Variants in NUGGC observed in about 807,000 individuals in gnomAD.
NUGGC encodes the protein nuclear GTPase SLIP-GC.
In NUGGC, 58 loss-of-function variants were observed where a neutral mutation model predicts 92.6. The ratio of observed to expected loss-of-function variants is 0.63; its 90% CI spans 0.51 to 0.78. The LOEUF is 0.78. Ranked by LOEUF, NUGGC falls within the 30% of genes least tolerant of loss-of-function variation. NUGGC has a pLI of 0.00. For synonymous variants in NUGGC, 376 were observed against 366.4 expected, an observed-to-expected ratio of 1.03 and a Z score of -0.30; for missense variants, 925 against 964.6, an observed-to-expected ratio of 0.96 and a Z score of 0.54.
intron 4 of NUGGC, among the ~76,000 whole-genome samples, chr8:28,068,674 T>C (rs549232713): frequency 6.6e-6 from 1 of 152,320 alleles, no homozygotes; most frequent in South Asian, 2.1e-4. Flanking sequence ...ACAATCCCTG[T>C]AATGTCTATA....
intron 4 of NUGGC, 136 bp from the exon 5 acceptor site, chr8:28,068,574 A>T (rs1810507406): frequency 1.6e-6 from 1 of 629,842 alleles, no homozygotes; most frequent in African/African-American, 1.8e-5. Context: ...CTCCTCTGTC[A>T]AAGGAGAATA....
intron 7 of NUGGC, among the ~76,000 whole-genome samples, chr8:28,060,894 G>C (rs1810287352): frequency 6.6e-6 from 1 of 152,176 alleles, no homozygotes; most frequent in African/African-American, 2.4e-5. Context: ...CTTACCTCAA[G>C]CAGCGCCTCT....
chr8:28,068,135 A>G (rs1810491768), intron 5 of NUGGC, 81 bp downstream of exon 5: 6 of 788,570 alleles, frequency 7.6e-6, no homozygotes, highest in Middle Eastern at 3.6e-4. Context: ...AGGAAGAAAG[A>G]AAGGAAGGAG....
rs181337431 is a variant in NUGGC, at chr8:28,058,134, G to A, written c.1116+124C>T. The A allele has an allele frequency of 1.2e-3, 228 of 185,332 alleles. 4 individuals are homozygous for A. In the East Asian group the frequency reaches 0.033, roughly 27 times the overall value. 11.5% of individuals were successfully genotyped at this position (185,332 alleles called of 1,614,324 possible). The stretch of plus-strand genomic sequence containing the variant: ...TTGAACCTGGGAGGCAGAGGTTGCC[G>A]TGAGCCGAGATCGCGCCAATGCACT... On this transcript the variant is annotated intron_variant, in intron 9 of 18. Transcript: ENST00000413272.
intron 11 of NUGGC, among the ~76,000 whole-genome samples, chr8:28,045,872 C>G (rs1459564077): frequency 6.6e-6 from 1 of 152,116 alleles, no homozygotes; most frequent in African/African-American, 2.4e-5. Context: ...AGCAATACTG[C>G]ATATTCATTT....
rs950514803 is a variant in NUGGC, at chr8:28,065,927, G to T, written c.712-1196C>A. 5.9e-5 allele frequency among the ~76,000 whole-genome samples: 9 copies of T among 152,126 alleles called. No homozygotes were observed. In the South Asian group the frequency reaches 1.7e-3, roughly 28 times the overall value. On this transcript the variant is annotated intron_variant, in intron 6 of 18. Transcript: ENST00000413272. ...AAGAGAGAAGCCCAGGAAAAGGCAG[G>T]GGCTTGAAAAGCCCCTTCCTACAAG...
chr8:28,040,654 G>GTTT (rs1283170099), intron 13 of NUGGC, among the ~76,000 whole-genome samples: 1 of 143,822 alleles, frequency 7.0e-6, no homozygotes. Flanking sequence ...TTTTGTTCTT[G>GTTT]TTTTTTTTTT....
chr8:28,038,607 A>G (rs1217229850), intron 13 of NUGGC, among the ~76,000 whole-genome samples: 1 of 152,232 alleles, frequency 6.6e-6, no homozygotes, highest in Non-Finnish European at 1.5e-5. Flanking sequence ...CTTGGCAACC[A>G]TGCCTTGTAT....
chr8:28,045,799 C>T (rs1452250418), intron 11 of NUGGC, 139 bp from the exon 12 acceptor site: 1 of 800,744 alleles, frequency 1.2e-6, no homozygotes, highest in East Asian at 2.5e-5. Flanking sequence ...GCCTACAGAA[C>T]CAACCTTTCT....
intron 18 of NUGGC, 102 bp downstream of exon 18, chr8:28,026,860 T>C (rs1809276206): frequency 2.5e-6 from 2 of 804,574 alleles, no homozygotes; most frequent in East Asian, 4.9e-5. Flanking sequence ...CTAACTTAAA[T>C]TCCTAAAATT....
At chr8:28,044,317 A>G (rs1809772560) in intron 12 of NUGGC, among the ~76,000 whole-genome samples, 1 of 152,184 alleles carries the variant, frequency 6.6e-6, no homozygotes, top group Non-Finnish European at 1.5e-5. Flanking sequence ...GTGAAAACCA[A>G]CCAAATGAGG....
Position 28,022,514 on chromosome 8 carries a change from A to G in NUGGC, c.*803T>C. ...TCTTGCCCTAAAGCTTTAGAACTCC[A>G]TTAGGTATTGAAGATGACTCTTTGG... On this transcript the variant is annotated 3_prime_UTR_variant, in exon 19 of 19. Transcript: ENST00000413272. The G allele has an allele frequency of 6.6e-6, 1 of 152,160 alleles. No homozygotes were observed. Among genetic ancestry groups the G allele is most frequent in the Non-Finnish European group, 1.5e-5 (1 of 68,020 alleles). 9.4% of individuals were successfully genotyped at this position (152,160 alleles called of 1,614,324 possible).
chr8:28,065,030 T>C (rs904134102), intron 6 of NUGGC, among the ~76,000 whole-genome samples: 6 of 152,206 alleles, frequency 3.9e-5, no homozygotes, highest in Admixed American at 2.0e-4. Flanking sequence ...TGCATTCAGT[T>C]CTAAAATTAA....
intron 15 of NUGGC, 138 bp downstream of exon 15, chr8:28,031,105 T>C: frequency 2.1e-6 from 2 of 952,732 alleles, no homozygotes; most frequent in Non-Finnish European, 3.2e-6. Context: ...GTTCTGTATT[T>C]CACAGCGCCT....
At chr8:28,058,910 T>C (rs1279606083) in intron 8 of NUGGC, among the ~76,000 whole-genome samples, 1 of 152,120 alleles carries the variant, frequency 6.6e-6, no homozygotes, top group Non-Finnish European at 1.5e-5. Context: ...TTCACCATGT[T>C]GGCCAGGATG....
At chr8:28,032,900 C>T (rs886454565) in intron 14 of NUGGC, among the ~76,000 whole-genome samples, 24 of 151,980 alleles carry the variant, frequency 1.6e-4, no homozygotes, top group African/African-American at 5.8e-4. Flanking sequence ...TGGCTCACAC[C>T]AGTAATCCCA....
chr8:28,058,353 A>G, intron 8 of NUGGC, 77 bp from the exon 9 acceptor site: 1 of 296,454 alleles, frequency 3.4e-6, no homozygotes, highest in Non-Finnish European at 6.5e-6. Context: ...CTTTCCCCAA[A>G]AGCAGCACAC....
chr8:28,053,327 C>T (rs1810052262), intron 10 of NUGGC, among the ~76,000 whole-genome samples: 1 of 152,006 alleles, frequency 6.6e-6, no homozygotes, highest in Non-Finnish European at 1.5e-5. Context: ...GTGGTGCATA[C>T]CGGTATACCG....
rs771971274 is a variant in NUGGC at position 28,067,600 on chromosome 8, C to G, written c.625G>C (p.Glu209Gln). The G allele has an allele frequency of 6.2e-7, 1 of 1,613,906 alleles. No homozygotes were observed. Among genetic ancestry groups the G allele is most frequent in the South Asian group, 1.1e-5 (1 of 91,016 alleles). Residue 209 changes from glutamate to glutamine, a missense_variant, in exon 6 of 19, where the codon GAG (glutamate) becomes CAG (glutamine). Glu to Gln is a conservative substitution (Grantham distance 29). Coordinates refer to ENST00000413272, the MANE Select transcript of NUGGC (RefSeq NM_001010906.2). Reference sequence around the variant, plus strand: ...AGTAACTCCTCATAGTTCTTACTCTCTGCCCCATTTCCATAAATCATTTGT... The same window carrying G: ...AGTAACTCCTCATAGTTCTTACTCTGTGCCCCATTTCCATAAATCATTTGT... ...KLQMIYGNGAESKNYEELLRA... is the reference protein window; with the variant it reads ...KLQMIYGNGAQSKNYEELLRA...
Sources: allele counts gnomAD v4.1 joint callset (sites outside exome capture counted in the v4.1 genomes callset), GRCh38; gene constraint gnomAD v4.1.1; transcripts MANE v1.5; gene names NCBI Gene and HGNC (gene_info 2026-07-23, HGNC 2026-07-21).